The following ANKS1B variants were observed in gnomAD, a reference collection of about 807,000 sequenced individuals.
ANKS1B encodes ankyrin repeat and sterile alpha motif domain-containing protein 1B.
Under a neutral mutation model 148.3 loss-of-function variants are expected in ANKS1B, and 36 were observed. The observed-to-expected ratio is 0.24, with a 90% CI of 0.19 to 0.32. ANKS1B has a LOEUF of 0.32. ANKS1B is among the 10% of genes least tolerant of loss of function. The pLI, the probability that ANKS1B is intolerant of heterozygous loss-of-function variation, is 1.00. For synonymous variants in ANKS1B, 542 were observed against 560.8 expected, an observed-to-expected ratio of 0.97 and a Z score of 0.47; for missense variants, 1,157 against 1,542.6, an observed-to-expected ratio of 0.75 and a Z score of 4.19.
chr12:99,810,307 T>C (rs1370433443), intron 3 of ANKS1B, among the ~76,000 whole-genome samples: 2 of 151,990 alleles, frequency 1.3e-5, no homozygotes, highest in Non-Finnish European at 2.9e-5. Flanking sequence ...TTACCTTATG[T>C]CTCAATAAAT....
chr12:99,536,820 T>TCACCC (rs2097073484), intron 9 of ANKS1B, among the ~76,000 whole-genome samples: 1 of 152,268 alleles, frequency 6.6e-6, no homozygotes, highest in African/African-American at 2.4e-5. Flanking sequence ...TTTATTATAG[T>TCACCC]CACCCTGTTG....
At chr12:98,817,070 T>C (rs1238098700) in intron 19 of ANKS1B, among the ~76,000 whole-genome samples, 1 of 152,044 alleles carries the variant, frequency 6.6e-6, no homozygotes, top group Non-Finnish European at 1.5e-5. Context: ...CACTTCAGGG[T>C]ATTCAGAAAT....
chr12:99,841,447 T>A (rs1238063590), intron 1 of ANKS1B, among the ~76,000 whole-genome samples: 1 of 152,108 alleles, frequency 6.6e-6, no homozygotes, highest in Non-Finnish European at 1.5e-5. Flanking sequence ...TGCATTCACA[T>A]TCACATGTAA....
chr12:99,626,931 C>T (rs1345849274), intron 9 of ANKS1B, among the ~76,000 whole-genome samples: 1 of 152,108 alleles, frequency 6.6e-6, no homozygotes, highest in Non-Finnish European at 1.5e-5. Context: ...TTGTTTCTCC[C>T]TTCTATTATA....
intron 16 of ANKS1B, among the ~76,000 whole-genome samples, chr12:99,059,332 G>T (rs970471822): frequency 1.3e-5 from 2 of 152,176 alleles, no homozygotes; most frequent in African/African-American, 4.8e-5. Context: ...CTAAATGTTT[G>T]TTAAATTAAG....
chr12:99,395,021 T>C (rs2094199492), intron 12 of ANKS1B, among the ~76,000 whole-genome samples: 1 of 152,138 alleles, frequency 6.6e-6, no homozygotes, highest in Admixed American at 6.6e-5. Context: ...TTCTTCTCAT[T>C]TTCTCATATA....
intron 16 of ANKS1B, among the ~76,000 whole-genome samples, chr12:99,062,391 T>G (rs11109716): frequency 6.6e-6 from 1 of 152,148 alleles, no homozygotes. Flanking sequence ...GAGGTGACTT[T>G]GTAGTGTGAG....
intron 17 of ANKS1B, among the ~76,000 whole-genome samples, chr12:98,985,260 G>A (rs915561608): frequency 6.6e-6 from 1 of 152,098 alleles, no homozygotes; most frequent in Non-Finnish European, 1.5e-5. Context: ...CTACAGTTAT[G>A]TACCACTGCT....
At chr12:99,982,794 T>G (rs1219144919) in intron 1 of ANKS1B, among the ~76,000 whole-genome samples, 1 of 152,240 alleles carries the variant, frequency 6.6e-6, no homozygotes, top group African/African-American at 2.4e-5. Flanking sequence ...ACATGAACTA[T>G]CATTCCAATA....
At chr12:99,626,049 C>T (rs2098109936) in intron 9 of ANKS1B, among the ~76,000 whole-genome samples, 1 of 152,068 alleles carries the variant, frequency 6.6e-6, no homozygotes, top group Non-Finnish European at 1.5e-5. Context: ...ATACCTAAAT[C>T]TTTCTATGAG....
intron 12 of ANKS1B, among the ~76,000 whole-genome samples, chr12:99,335,978 G>A (rs539551654): frequency 4.6e-5 from 7 of 152,096 alleles, no homozygotes; most frequent in Non-Finnish European, 7.4e-5. Context: ...ACATTCCCAC[G>A]AACAGTGTAC....
intron 15 of ANKS1B, among the ~76,000 whole-genome samples, chr12:99,120,840 G>A (rs2062612245): frequency 6.6e-6 from 1 of 152,134 alleles, no homozygotes; most frequent in African/African-American, 2.4e-5. Context: ...AGAGAACTTA[G>A]AGGTTTTGAA....
At chr12:99,496,914 G>A (rs2096609811) in intron 10 of ANKS1B, among the ~76,000 whole-genome samples, 1 of 152,130 alleles carries the variant, frequency 6.6e-6, no homozygotes, top group African/African-American at 2.4e-5. Flanking sequence ...AAGCCAGGCA[G>A]GTTGTGTGCT....
intron 17 of ANKS1B, among the ~76,000 whole-genome samples, chr12:98,839,522 C>T (rs2099394192): frequency 6.6e-6 from 1 of 152,092 alleles, no homozygotes; most frequent in South Asian, 2.1e-4. Flanking sequence ...TTATAAAGCA[C>T]AGAACTAAGG....
At chr12:99,467,643 T>C (rs1240754611) in intron 10 of ANKS1B, among the ~76,000 whole-genome samples, 4 of 151,960 alleles carry the variant, frequency 2.6e-5, no homozygotes, top group African/African-American at 4.8e-5. Context: ...TATACACCAA[T>C]AACAGACAAA....
intron 8 of ANKS1B, among the ~76,000 whole-genome samples, chr12:99,752,127 C>A (rs1601418650): frequency 6.6e-6 from 1 of 151,978 alleles, no homozygotes; most frequent in African/African-American, 2.4e-5. Context: ...TATTATCACA[C>A]TTTTTCCTGT....
rs780818245 is a variant in ANKS1B, at chr12:99,890,857, G to A, written c.135-65468C>T. 6.6e-5 allele frequency among the ~76,000 whole-genome samples: 10 copies of A among 151,974 alleles called. 1 individual carries two copies. The highest frequency in any genetic ancestry group is 2.6e-4 in the Admixed American group (4 of 15,262). On this transcript the variant is annotated intron_variant, in intron 1 of 26. Coordinates refer to ENST00000683438, the MANE Select transcript of ANKS1B (RefSeq NM_001352186.2). ...AGCAGTACAGAAGTTAGCACTAGGT[G>A]AGCCAAGAAAAAGCCAAGGACAAAA...
In ANKS1B at chr12:98,829,400, C is replaced by A. The variant is rs760172640; in HGVS notation, c.2887-47G>T. The stretch of plus-strand genomic sequence containing the variant: ...AATAAATACCATGTTCTGTGGCTAA[C>A]CTTTGGTTTCAAAATTGTGAAATAC... On this transcript the variant is annotated intron_variant, in intron 18 of 26. Transcript: ENST00000683438. This position sits in a 1 kb window ranked among gnomAD's most constrained non-coding sequence, Gnocchi z 5.2. The A allele has an allele frequency of 7.6e-6, 12 of 1,573,834 alleles. No individual in the cohort carries two copies. The highest frequency in any genetic ancestry group is 1.0e-5 in the Non-Finnish European group (12 of 1,157,422).
At chr12:98,908,453 G>T (rs1156433129) in intron 17 of ANKS1B, among the ~76,000 whole-genome samples, 1 of 152,104 alleles carries the variant, frequency 6.6e-6, no homozygotes, top group East Asian at 1.9e-4. Context: ...ACAAGGTAGG[G>T]TTTATACACT....
Sources: allele counts gnomAD v4.1 joint callset (sites outside exome capture counted in the v4.1 genomes callset), GRCh38; gene constraint gnomAD v4.1.1; non-coding constraint Gnocchi (gnomAD v3.1); transcripts MANE v1.5; gene names NCBI Gene and HGNC (gene_info 2026-07-23, HGNC 2026-07-21).